Variants in WNK3 observed in about 807,000 individuals in gnomAD.
WNK3 encodes serine/threonine-protein kinase WNK3.
WNK3 carries 18 observed loss-of-function variants against 116.7 expected under a neutral mutation model. That is an observed-to-expected ratio of 0.15 (90% confidence interval 0.11 to 0.23). The LOEUF is 0.23. Among genes scored for constraint, WNK3 ranks in the 10% least tolerant of loss-of-function variants. The probability of loss-of-function intolerance (pLI) is 1.00; values close to 1 mark genes in which losing one functional copy is unlikely to be tolerated. For synonymous variants in WNK3, 404 were observed against 469.4 expected, an observed-to-expected ratio of 0.86 and a Z score of 1.80; for missense variants, 993 against 1,323.8, an observed-to-expected ratio of 0.75 and a Z score of 3.88.
intron 7 of WNK3, among the ~76,000 whole-genome samples, chrX:54,297,368 GGAGTTC>G (rs2068709259): frequency 9.0e-6 from 1 of 111,095 alleles, no homozygotes; most frequent in South Asian, 3.8e-4. Flanking sequence ...CTTGAAGTCA[GGAGTTC>G]GAGACCAGCC....
intron 2 of WNK3, among the ~76,000 whole-genome samples, chrX:54,323,901 T>C (rs2069067469): frequency 8.9e-6 from 1 of 112,189 alleles, no homozygotes; most frequent in Non-Finnish European, 1.9e-5. Flanking sequence ...TATAGTCTAT[T>C]GTATTCATTT....
intron 2 of WNK3, among the ~76,000 whole-genome samples, chrX:54,316,627 A>C (rs781791400): frequency 1.4e-4 from 15 of 109,759 alleles, no homozygotes; most frequent in Non-Finnish European, 2.3e-4. Context: ...CCTCACCAGA[A>C]ACCCACCAAG....
intron 1 of WNK3, among the ~76,000 whole-genome samples, chrX:54,344,550 A>G (rs1479570385): frequency 8.8e-6 from 1 of 113,388 alleles, no homozygotes; most frequent in African/African-American, 3.2e-5. Context: ...TCTGACCACA[A>G]TCAATGATCA....
intron 22 of WNK3, among the ~76,000 whole-genome samples, chrX:54,216,686 C>A (rs782738936): frequency 9.0e-6 from 1 of 111,304 alleles, no homozygotes; most frequent in East Asian, 2.8e-4. Flanking sequence ...CCTAGGCAAG[C>A]AGGAAGTAAA....
At chrX:54,253,892 A>G in intron 13 of WNK3, 67 bp downstream of exon 13, 1 of 739,390 alleles carries the variant, frequency 1.4e-6, no homozygotes, top group South Asian at 3.1e-5. Flanking sequence ...AAATAAATGG[A>G]GACAGAATTA....
intron 1 of WNK3, among the ~76,000 whole-genome samples, chrX:54,353,040 G>C (rs2047516768): frequency 8.9e-6 from 1 of 111,858 alleles, no homozygotes; most frequent in Non-Finnish European, 1.9e-5. Flanking sequence ...TGGTCACCTG[G>C]GACTTGGAGG....
At chrX:54,337,233 C>CA (rs2069251271) in intron 1 of WNK3, among the ~76,000 whole-genome samples, 1 of 111,253 alleles carries the variant, frequency 9.0e-6, no homozygotes, top group Admixed American at 9.7e-5. Flanking sequence ...GGAAAGCCTT[C>CA]AAAATTTTTT....
chrX:54,311,965 A>G (rs1023299231), intron 2 of WNK3, among the ~76,000 whole-genome samples: 2 of 110,729 alleles, frequency 1.8e-5, no homozygotes, highest in Admixed American at 9.8e-5. Context: ...CACCCCATAC[A>G]CCGTCTCTGA....
chrX:54,338,524 C>A (rs2069274391), intron 1 of WNK3, among the ~76,000 whole-genome samples: 2 of 109,440 alleles, frequency 1.8e-5, no homozygotes, highest in South Asian at 7.9e-4. Context: ...GAAGTTGAGG[C>A]TGCAGTAAGC....
At chrX:54,338,154 C>A (rs1256517407) in intron 1 of WNK3, among the ~76,000 whole-genome samples, 1 of 110,927 alleles carries the variant, frequency 9.0e-6, no homozygotes, top group East Asian at 2.8e-4. Context: ...GGCACGGTGG[C>A]TCACACCTAT....
intron 22 of WNK3, among the ~76,000 whole-genome samples, chrX:54,227,865 A>C (rs1557148162): frequency 8.9e-6 from 1 of 112,421 alleles, no homozygotes; most frequent in Admixed American, 9.5e-5. Context: ...AACTGTCCAG[A>C]GTAGGCAAAT....
intron 5 of WNK3, among the ~76,000 whole-genome samples, chrX:54,302,914 C>T (rs1186584916): frequency 9.9e-6 from 1 of 101,072 alleles, no homozygotes; most frequent in Non-Finnish European, 2.0e-5. Context: ...CAGGCGCATG[C>T]CACCAAACTC....
In WNK3 at chrX:54,325,449, C is replaced by T. The variant is rs1168654376; in HGVS notation, c.537+7688G>A. 3.6e-5 allele frequency among the ~76,000 whole-genome samples: 4 copies of T among 109,924 alleles called. No individual in the cohort carries two copies. In the East Asian group the frequency reaches 8.5e-4, roughly 23 times the overall value. On this transcript the variant is annotated intron_variant, in intron 2 of 23. Coordinates refer to ENST00000354646, the Ensembl canonical transcript of WNK3. ...ATCCCAGCACTTTGGAAGGCCGAGA[C>T]GGGTGGATCACTTGAAGTCAGGAGT...
intron 10 of WNK3, among the ~76,000 whole-genome samples, chrX:54,270,804 C>T (rs1287628527): frequency 9.0e-6 from 1 of 111,188 alleles, no homozygotes; most frequent in African/African-American, 3.3e-5. Context: ...CATTGTTCAG[C>T]TCCCACTTAT....
intron 5 of WNK3, among the ~76,000 whole-genome samples, chrX:54,305,058 T>C (rs1309228134): frequency 9.2e-6 from 1 of 109,229 alleles, no homozygotes; most frequent in Non-Finnish European, 1.9e-5. Flanking sequence ...GGCTGAAACA[T>C]GAGAATCGCT....
At chrX:54,201,927 A>T (rs1557141703) in intron 23 of WNK3, 64 bp downstream of exon 23, 1 of 992,060 alleles carries the variant, frequency 1.0e-6, no homozygotes, top group African/African-American at 1.9e-5. Flanking sequence ...CTATAGGCCT[A>T]AGCGCATCAA....
intron 5 of WNK3, among the ~76,000 whole-genome samples, chrX:54,303,677 TAA>T (rs1231861633): frequency 9.0e-6 from 1 of 111,134 alleles, no homozygotes; most frequent in African/African-American, 3.3e-5. Flanking sequence ...TATAAAATAA[TAA>T]AGTCACTATT....
At chrX:54,216,160 G>C (rs962637468) in intron 22 of WNK3, among the ~76,000 whole-genome samples, 1 of 109,718 alleles carries the variant, frequency 9.1e-6, no homozygotes, top group Non-Finnish European at 1.9e-5. Context: ...GAAGGCGGCA[G>C]GGCCCTCTGC....
intron 2 of WNK3, among the ~76,000 whole-genome samples, chrX:54,324,460 T>C (rs1190641743): frequency 1.8e-5 from 2 of 112,268 alleles, no homozygotes; most frequent in Non-Finnish European, 3.8e-5. Flanking sequence ...TAATGCTATT[T>C]CCCAGACAAA....
Sources: allele counts gnomAD v4.1 joint callset (sites outside exome capture counted in the v4.1 genomes callset), GRCh38; gene constraint gnomAD v4.1.1; transcripts MANE v1.5; gene names NCBI Gene and HGNC (gene_info 2026-07-23, HGNC 2026-07-21).